SLC37A1: variants seen among roughly 807,000 people sequenced by gnomAD.
The protein encoded by SLC37A1 is glucose-6-phosphate exchanger SLC37A1.
SLC37A1 carries 49 observed loss-of-function variants against 75.3 expected under a neutral mutation model. That is an observed-to-expected ratio of 0.65 (90% CI 0.52 to 0.83). The LOEUF (loss-of-function observed/expected upper bound fraction) is 0.83, where lower values mean the gene tolerates loss of function less well. Among genes scored for constraint, SLC37A1 ranks in the 40% least tolerant of loss-of-function variants. SLC37A1 has a pLI of 0.00. For synonymous variants in SLC37A1, 268 were observed against 292.1 expected (o/e 0.92, Z 0.84); for missense variants, 566 against 695.0 (o/e 0.81, Z 2.09).
chr21:42,529,780 G>GGCAACAC (rs1205742981), intron 3 of SLC37A1, among the ~76,000 whole-genome samples: 2 of 152,150 alleles, frequency 1.3e-5, no homozygotes, highest in Admixed American at 1.3e-4. Flanking sequence ...TGCAAATTAA[G>GGCAACAC]GCAACACTGT....
chr21:42,539,181 A>C (rs554806362), intron 5 of SLC37A1, among the ~76,000 whole-genome samples: 1 of 152,356 alleles, frequency 6.6e-6, no homozygotes, highest in Admixed American at 6.5e-5. Context: ...GATATGGTTT[A>C]TGTGAAAGCA....
chr21:42,531,976 C>G (rs1194354546), intron 3 of SLC37A1, among the ~76,000 whole-genome samples: 1 of 151,968 alleles, frequency 6.6e-6, no homozygotes, highest in Non-Finnish European at 1.5e-5. Context: ...TGGACCCTTC[C>G]CAGGGGCGGA....
At chr21:42,528,254 GTT>G (rs2054851641) in intron 3 of SLC37A1, among the ~76,000 whole-genome samples, 1 of 152,200 alleles carries the variant, frequency 6.6e-6, no homozygotes, top group Admixed American at 6.5e-5. Context: ...GGATAGTGGT[GTT>G]ATAAGTGCAA....
intron 18 of SLC37A1, among the ~76,000 whole-genome samples, chr21:42,576,638 TAAGAA>T (rs2056316717): frequency 1.3e-5 from 2 of 151,638 alleles, no homozygotes; most frequent in Non-Finnish European, 2.9e-5. Context: ...ACTAATGACA[TAAGAA>T]AAAGGAACTG....
intron 5 of SLC37A1, 126 bp downstream of exon 5, chr21:42,535,676 GCTGTTCC>G: frequency 1.3e-6 from 1 of 786,092 alleles, no homozygotes; most frequent in South Asian, 1.6e-5. Flanking sequence ...TGGCTTCCCT[GCTGTTCC>G]CTTCCCAAAG....
intron 3 of SLC37A1, among the ~76,000 whole-genome samples, chr21:42,527,046 G>A (rs1472695524): frequency 2.6e-5 from 4 of 152,208 alleles, no homozygotes; most frequent in Admixed American, 1.3e-4. Context: ...CTTGGTGAGC[G>A]TGTTGGAGTT....
chr21:42,566,133 C>T (rs949050324), intron 15 of SLC37A1, among the ~76,000 whole-genome samples: 47 of 152,234 alleles, frequency 3.1e-4, no homozygotes, highest in African/African-American at 1.1e-3. Flanking sequence ...GGCAGTGGCC[C>T]TGGGCACTCA....
intron 5 of SLC37A1, 62 bp downstream of exon 5, chr21:42,535,612 C>T (rs2055117886): frequency 2.1e-6 from 3 of 1,442,714 alleles, no homozygotes; most frequent in Admixed American, 1.7e-5. Flanking sequence ...GCAGAGAAGA[C>T]ATCCGCTATG....
At chr21:42,528,875 G>C (rs1171083222) in intron 3 of SLC37A1, among the ~76,000 whole-genome samples, 1 of 152,074 alleles carries the variant, frequency 6.6e-6, no homozygotes, top group Non-Finnish European at 1.5e-5. Flanking sequence ...AGAAAACAAA[G>C]TCTGAAAAGC....
intron 18 of SLC37A1, among the ~76,000 whole-genome samples, chr21:42,577,865 C>T (rs1040619067): frequency 1.3e-5 from 2 of 152,162 alleles, no homozygotes; most frequent in South Asian, 2.1e-4. Context: ...GGAAACTACA[C>T]GACAGGTAAA....
intron 2 of SLC37A1, among the ~76,000 whole-genome samples, chr21:42,506,777 C>T: frequency 6.6e-6 from 1 of 152,118 alleles, no homozygotes; most frequent in South Asian, 2.1e-4. Flanking sequence ...ATTCCAAGTC[C>T]CATGCCTTTT....
chr21:42,537,320 G>A (rs1008942714), intron 5 of SLC37A1, among the ~76,000 whole-genome samples: 9 of 152,208 alleles, frequency 5.9e-5, no homozygotes, highest in South Asian at 2.1e-4. Flanking sequence ...CTTCCTTAGC[G>A]CTTGGGTCTC....
chr21:42,576,862 A>G (rs2056320124), intron 18 of SLC37A1, among the ~76,000 whole-genome samples: 1 of 152,182 alleles, frequency 6.6e-6, no homozygotes, highest in African/African-American at 2.4e-5. Context: ...TCAGCACAAA[A>G]AGAGAGATGG....
At position 42,548,513 on chromosome 21, in the gene SLC37A1, C is replaced by T. The variant is rs73905684; in HGVS notation, c.768+1373C>T. 3.9e-5 allele frequency among the ~76,000 whole-genome samples: 6 copies of T among 152,110 alleles called. No homozygotes were observed. The highest frequency in any genetic ancestry group is 1.4e-4 in the African/African-American group (6 of 41,398). On this transcript the variant is annotated intron_variant, in intron 9 of 19. Transcript: ENST00000352133. The surrounding 1 kb of genome is among the most constrained non-coding windows in gnomAD (Gnocchi z 5.6). Reference sequence around the variant, plus strand: ...TTGGCCATGTTCTGTCAGTTCTGCTCTGTTCTGTGAGGGGATGTGGAATGG... The same window carrying T: ...TTGGCCATGTTCTGTCAGTTCTGCTTTGTTCTGTGAGGGGATGTGGAATGG...
chr21:42,566,967 C>A lies in SLC37A1; in HGVS notation c.1271-18C>A. The A allele has an allele frequency of 6.2e-7, 1 of 1,602,142 alleles. No individual in the cohort carries two copies. On this transcript the variant is annotated intron_variant, in intron 15 of 19. Coordinates refer to ENST00000352133, the MANE Select transcript of SLC37A1 (RefSeq NM_001320537.2). ...CTGGAGGGCACATTTCCATTCTTTG[C>A]CCCTCTGCCTCCCACAGCCATGCTG...
intron 4 of SLC37A1, 98 bp downstream of exon 4, chr21:42,534,928 C>T: frequency 1.4e-6 from 2 of 1,454,308 alleles, no homozygotes; most frequent in Non-Finnish European, 1.8e-6. Flanking sequence ...CCAGATGTAA[C>T]TGCATTTCCA....
intron 10 of SLC37A1, among the ~76,000 whole-genome samples, chr21:42,554,982 G>GGTTTTTT (rs368777229): frequency 8.6e-6 from 1 of 116,598 alleles, no homozygotes; most frequent in Non-Finnish European, 1.8e-5. Flanking sequence ...TTGGTTGGTT[G>GGTTTTTT]TTTTTTTTTT....
intron 3 of SLC37A1, among the ~76,000 whole-genome samples, chr21:42,526,487 G>A (rs2054795720): frequency 6.6e-6 from 1 of 152,248 alleles, no homozygotes; most frequent in Admixed American, 6.5e-5. Context: ...TCCACTGCCA[G>A]AGACAGTGCA....
At chr21:42,567,721 T>G (rs930927955) in intron 16 of SLC37A1, among the ~76,000 whole-genome samples, 2 of 152,228 alleles carry the variant, frequency 1.3e-5, no homozygotes, top group South Asian at 2.1e-4. Context: ...TTTTATAGTT[T>G]TAGGCTTCTA....
Sources: allele counts gnomAD v4.1 joint callset (sites outside exome capture counted in the v4.1 genomes callset), GRCh38; gene constraint gnomAD v4.1.1; non-coding constraint Gnocchi (gnomAD v3.1); transcripts MANE v1.5; gene names NCBI Gene and HGNC (gene_info 2026-07-23, HGNC 2026-07-21).